TRIM46: variants seen among roughly 807,000 people sequenced by gnomAD.
TRIM46 encodes tripartite motif-containing protein 46.
TRIM46 carries 17 observed loss-of-function variants against 69.7 expected under a neutral mutation model. That is an observed-to-expected ratio of 0.24 (90% confidence interval 0.17 to 0.37). The LOEUF is 0.37. Ranked by LOEUF, TRIM46 falls within the 10% of genes least tolerant of loss-of-function variation. The pLI is 1.00. For synonymous variants in TRIM46, 391 were observed against 429.0 expected (o/e 0.91, Z 1.09); for missense variants, 675 against 1,025.1 (o/e 0.66, Z 4.66).
At chr1:155,183,658 A>G in intron 9 of TRIM46, 139 bp from the exon 10 acceptor site, 1 of 1,103,134 alleles carries the variant, frequency 9.1e-7, no homozygotes, top group Non-Finnish European at 1.3e-6. Flanking sequence ...CTGCCTCTTC[A>G]GCGTTTTCTT....
At chr1:155,177,400 G>T in intron 5 of TRIM46, 110 bp downstream of exon 5, 1 of 951,016 alleles carries the variant, frequency 1.1e-6, no homozygotes, top group East Asian at 2.5e-5. Context: ...GGAAGCCCGT[G>T]AGGTGTCCAG....
chr1:155,174,635 G>GACCA, intron 1 of TRIM46: 2 of 1,527,798 alleles, frequency 1.3e-6, no homozygotes, highest in Non-Finnish European at 1.7e-6. Flanking sequence ...CGAAGAGAGG[G>GACCA]ACCAAGGTGA....
At chr1:155,178,634 C>T (rs1665881583) in intron 7 of TRIM46, 21 bp downstream of exon 7, 2 of 1,609,736 alleles carry the variant, frequency 1.2e-6, no homozygotes, top group African/African-American at 1.3e-5. Flanking sequence ...GGCCAGGCCC[C>T]ATGCCCAACC....
chr1:155,178,907 T>C, intron 7 of TRIM46: 1 of 1,213,592 alleles, frequency 8.2e-7, no homozygotes, highest in Non-Finnish European at 1.1e-6. Context: ...CCCACCCCGC[T>C]GCTCCCACGC....
In TRIM46 at chr1:155,175,219, G is replaced by A; in HGVS notation, c.64-167G>A. The A allele has an allele frequency of 1.3e-6, 2 of 1,497,226 alleles. No homozygotes were observed. The highest frequency in any genetic ancestry group is 1.4e-5 in the South Asian group (1 of 71,976). 92.7% of individuals were successfully genotyped at this position (1,497,226 alleles called of 1,614,324 possible). The stretch of plus-strand genomic sequence containing the variant: ...CGGGGAAAGAGAAGCAAGGGACAGA[G>A]GTCTGGGAAGGTCTGTGAACCAGCC... On this transcript the variant is annotated intron_variant, in intron 1 of 9. Coordinates refer to ENST00000334634, the MANE Select transcript of TRIM46 (RefSeq NM_025058.5). This position sits in a 1 kb window ranked among gnomAD's most constrained non-coding sequence, Gnocchi z 4.2.
intron 9 of TRIM46, chr1:155,182,916 T>G (rs1161575921): frequency 4.0e-5 from 6 of 149,760 alleles, no homozygotes; most frequent in African/African-American, 9.8e-5. Flanking sequence ...ACTCCCTGTT[T>G]TTTTTTTTTT....
chr1:155,183,715 C>G (rs748342339), intron 9 of TRIM46, 82 bp from the exon 10 acceptor site: 45 of 1,547,686 alleles, frequency 2.9e-5, no homozygotes, highest in Non-Finnish European at 3.8e-5. Context: ...CCTTAACATT[C>G]CATCCTTCCA....
chr1:155,179,239 G>A (rs1468373782), intron 7 of TRIM46, among the ~76,000 whole-genome samples: 2 of 152,124 alleles, frequency 1.3e-5, no homozygotes, highest in African/African-American at 4.8e-5. Context: ...AGTGGCCTTT[G>A]CCTGCCCCTC....
Position 155,184,308 on chromosome 1 carries a change from C to T in TRIM46, c.*118C>T, listed in dbSNP as rs752437716. On this transcript the variant is annotated 3_prime_UTR_variant, in exon 10 of 10. Coordinates refer to ENST00000334634, the MANE Select transcript of TRIM46 (RefSeq NM_025058.5). The surrounding 1 kb of genome is among the most constrained non-coding windows in gnomAD (Gnocchi z 5.6). Reference sequence around the variant, plus strand: ...CCCCAAACTCTCCTACCATGTGGCCCTGCTCCTTCTCCCGTGTCTGTCTTC... The same window carrying T: ...CCCCAAACTCTCCTACCATGTGGCCTTGCTCCTTCTCCCGTGTCTGTCTTC... 4.7e-5 allele frequency: 52 copies of T among 1,113,952 alleles called. No homozygotes were observed. The highest frequency in any genetic ancestry group is 6.1e-5 in the Non-Finnish European group (49 of 805,782). The allele number at this position is 1,113,952 out of a possible 1,614,324, so 69.0% of individuals were successfully genotyped here.
chr1:155,180,592 C>T (rs1475667252), intron 8 of TRIM46: 5 of 224,570 alleles, frequency 2.2e-5, no homozygotes, highest in South Asian at 1.8e-4. Flanking sequence ...AAGACTCCGA[C>T]GTCTCGGAAA....
At chr1:155,183,125 T>C (rs761731483) in intron 9 of TRIM46, among the ~76,000 whole-genome samples, 5 of 151,920 alleles carry the variant, frequency 3.3e-5, no homozygotes, top group Non-Finnish European at 5.9e-5. Flanking sequence ...TTAGCCAGGA[T>C]GGTCTCAATC....
At chr1:155,174,453 AC>A in intron 1 of TRIM46, 1 of 1,360,896 alleles carries the variant, frequency 7.3e-7, no homozygotes, top group Non-Finnish European at 9.5e-7. Flanking sequence ...CCTCCCCAAG[AC>A]CCCACCCCAC....
chr1:155,178,739 T>TTGGGGGCCCCCC, intron 7 of TRIM46, 126 bp downstream of exon 7: 2 of 1,348,470 alleles, frequency 1.5e-6, no homozygotes, highest in African/African-American at 1.5e-5. Flanking sequence ...CAGCCATTCC[T>TTGGGGGCCCCCC]CCCACCCAGC....
Position 155,184,234 on chromosome 1 carries a change from T to C in TRIM46, c.*44T>C. On this transcript the variant is annotated 3_prime_UTR_variant, in exon 10 of 10. Coordinates refer to ENST00000334634, the MANE Select transcript of TRIM46 (RefSeq NM_025058.5). This position sits in a 1 kb window ranked among gnomAD's most constrained non-coding sequence, Gnocchi z 5.6. ...GCAGACCTGGGGTCCTCCTGGGCCC[T>C]GGCCCCCAAACCTCTTGGCACCCGG... is the stretch of plus-strand genomic sequence containing the variant. 1 of 1,518,240 alleles carries C rather than the reference T, an allele frequency of 6.6e-7. No homozygotes were observed. The highest frequency in any genetic ancestry group is 8.8e-7 in the Non-Finnish European group (1 of 1,136,516). 94.0% of individuals were successfully genotyped at this position (1,518,240 alleles called of 1,614,324 possible).
In TRIM46 at chr1:155,175,608, C is replaced by G. The variant is rs1665581412; in HGVS notation, c.286C>G (p.Leu96Val). The G allele has an allele frequency of 6.2e-7, 1 of 1,613,838 alleles. No individual in the cohort carries two copies. The highest frequency in any genetic ancestry group is 1.3e-5 in the African/African-American group (1 of 75,042). ...CAGCCCCCGCCTCTCCCGCAGAACT[C>G]TCCCCAAGCCAGACCGCCTGGACCG... The part of the protein sequence containing the change: ...TRSPRLSRRT[L>V]PKPDRLDRLL... The change falls in exon 2 of 10, where the codon CTC (leucine) becomes GTC (valine). Residue 96 changes from leucine to valine, a missense_variant. Leu to Val is a conservative substitution (Grantham distance 32). Around this residue, in one of 5 missense-constraint regions of TRIM46, gnomAD observed 170 missense variants for 255.6 expected, o/e 0.67. Transcript: ENST00000334634. This position sits in a 1 kb window ranked among gnomAD's most constrained non-coding sequence, Gnocchi z 4.2.
In TRIM46 at chr1:155,177,189, C is replaced by T. The variant is rs765529274; in HGVS notation, c.814-6C>T. The T allele has an allele frequency of 6.2e-7, 1 of 1,614,152 alleles. No individual in the cohort carries two copies. Among genetic ancestry groups the T allele is most frequent in the Non-Finnish European group, 8.5e-7 (1 of 1,180,012 alleles). On this transcript the variant is annotated splice_region_variant and splice_polypyrimidine_tract_variant and intron_variant, in intron 4 of 9. Transcript: ENST00000334634. ...GCTTGATGCCCACCTCTTTCTTCCC[C>T]CTCAGGACAAGCTGACAAAGAGCCT...
rs1056060036 is a variant in TRIM46, at chr1:155,175,532, T to C, written c.210T>C (p.Gly70=). 6.2e-7 allele frequency: 1 copy of C among 1,613,778 alleles called. No homozygotes were observed. Among genetic ancestry groups the C allele is most frequent in the African/African-American group, 1.3e-5 (1 of 75,026 alleles). ...GCCAGCAGGGCTACATAGGACATGGTGGGGACCCCAGCTCCGAGCCCACCT... is the reference window on the plus strand; with the variant it reads ...GCCAGCAGGGCTACATAGGACATGGCGGGGACCCCAGCTCCGAGCCCACCT... ...VLGQQGYIGH[G]GDPSSEPTSP... The change falls in exon 2 of 10, where the codon GGT becomes GGC. Residue 70 remains glycine (G), a synonymous_variant. Transcript: ENST00000334634. The surrounding 1 kb of genome is among the most constrained non-coding windows in gnomAD (Gnocchi z 4.2).
chr1:155,180,958 G>A (rs908696610), intron 8 of TRIM46, among the ~76,000 whole-genome samples: 1 of 151,988 alleles, frequency 6.6e-6, no homozygotes, highest in African/African-American at 2.4e-5. Context: ...TTTTTGGCTG[G>A]GCACAGTGGC....
In TRIM46 at chr1:155,175,310, T is replaced by A; in HGVS notation, c.64-76T>A. The A allele has an allele frequency of 6.3e-7, 1 of 1,592,748 alleles. No homozygotes were observed. The highest frequency in any genetic ancestry group is 1.7e-4 in the Middle Eastern group (1 of 5,952). On this transcript the variant is annotated intron_variant, in intron 1 of 9. Coordinates refer to ENST00000334634, the MANE Select transcript of TRIM46 (RefSeq NM_025058.5). The surrounding 1 kb of genome is among the most constrained non-coding windows in gnomAD (Gnocchi z 4.2). The stretch of plus-strand genomic sequence containing the variant: ...GCTCCTTCCTCAGACCCCTAGGGTA[T>A]CCAAGGGCAGCCAAGGGGCTGCTGA...
Sources: allele counts gnomAD v4.1 joint callset (sites outside exome capture counted in the v4.1 genomes callset), GRCh38; gene constraint gnomAD v4.1.1; regional missense constraint gnomAD v4.1.1; non-coding constraint Gnocchi (gnomAD v3.1); transcripts MANE v1.5; gene names NCBI Gene and HGNC (gene_info 2026-07-23, HGNC 2026-07-21).